PTPRN2: variants seen among roughly 807,000 people sequenced by gnomAD.
PTPRN2 encodes the protein receptor-type tyrosine-protein phosphatase N2.
A neutral mutation model predicts 118.8 loss-of-function variants in PTPRN2; 74 were observed. That is an observed-to-expected ratio of 0.62 (90% CI 0.52 to 0.76). The LOEUF (loss-of-function observed/expected upper bound fraction) is 0.76, where lower values mean the gene tolerates loss of function less well. PTPRN2 is among the 30% of genes least tolerant of loss of function. The pLI is 0.00. For synonymous variants in PTPRN2, 641 were observed against 608.0 expected (o/e 1.05, Z -0.80); for missense variants, 1,481 against 1,394.4 (o/e 1.06, Z -0.99).
At chr7:157,902,152 T>C (rs1797497754) in intron 11 of PTPRN2, among the ~76,000 whole-genome samples, 1 of 152,142 alleles carries the variant, frequency 6.6e-6, no homozygotes, top group Non-Finnish European at 1.5e-5. Flanking sequence ...AGGGAATGAG[T>C]CCTTGTTTGT....
intron 11 of PTPRN2, among the ~76,000 whole-genome samples, chr7:157,969,317 C>T (rs960447222): frequency 6.6e-6 from 1 of 152,090 alleles, no homozygotes; most frequent in African/African-American, 2.4e-5. Context: ...ACCATGTTGC[C>T]CAGGCTGGTC....
intron 2 of PTPRN2, among the ~76,000 whole-genome samples, chr7:158,467,698 G>A (rs1486129719): frequency 6.6e-6 from 1 of 152,114 alleles, no homozygotes; most frequent in Non-Finnish European, 1.5e-5. Flanking sequence ...TTAAAGAGAC[G>A]GCTCTTACCC....
chr7:158,545,803 G>A (rs996926687), intron 1 of PTPRN2, among the ~76,000 whole-genome samples: 3 of 152,082 alleles, frequency 2.0e-5, no homozygotes, highest in Non-Finnish European at 2.9e-5. Context: ...GTTCAAGACC[G>A]GTCTGGCCAA....
intron 21 of PTPRN2, among the ~76,000 whole-genome samples, chr7:157,557,079 C>A (rs750303582): frequency 6.6e-6 from 1 of 151,830 alleles, no homozygotes; most frequent in African/African-American, 2.4e-5. Flanking sequence ...CATACATACA[C>A]ACACACACAC....
intron 11 of PTPRN2, among the ~76,000 whole-genome samples, chr7:157,992,967 T>A (rs575903775): frequency 1.3e-5 from 2 of 152,312 alleles, no homozygotes; most frequent in Admixed American, 1.3e-4. Context: ...GGAGCTGTGG[T>A]TTGGGCGCCT....
intron 12 of PTPRN2, among the ~76,000 whole-genome samples, chr7:157,895,704 G>A (rs1306331164): frequency 5.3e-5 from 8 of 151,438 alleles, no homozygotes; most frequent in Admixed American, 2.6e-4. Flanking sequence ...GTGAAGGCGC[G>A]ACAGAGGGTG....
chr7:158,347,728 A>G (rs531191580), intron 2 of PTPRN2, among the ~76,000 whole-genome samples: 1 of 152,338 alleles, frequency 6.6e-6, no homozygotes, highest in East Asian at 1.9e-4. Flanking sequence ...AATTCTTTCA[A>G]TCAATGAACA....
intron 1 of PTPRN2, among the ~76,000 whole-genome samples, chr7:158,518,519 G>A (rs958017348): frequency 6.6e-6 from 1 of 152,164 alleles, no homozygotes; most frequent in Non-Finnish European, 1.5e-5. Flanking sequence ...AAAGGATACG[G>A]CTCAAGCTCC....
intron 3 of PTPRN2, among the ~76,000 whole-genome samples, chr7:158,209,512 A>G (rs1248269738): frequency 6.6e-6 from 1 of 152,244 alleles, no homozygotes; most frequent in Non-Finnish European, 1.5e-5. Flanking sequence ...TTGTAAATAT[A>G]TATGTACCCA....
At chr7:157,751,671 G>T (rs1217812359) in intron 12 of PTPRN2, among the ~76,000 whole-genome samples, 1 of 151,998 alleles carries the variant, frequency 6.6e-6, no homozygotes, top group Non-Finnish European at 1.5e-5. Flanking sequence ...ACTCTGCACC[G>T]CTGACACGCG....
intron 12 of PTPRN2, among the ~76,000 whole-genome samples, chr7:157,758,544 C>T (rs768027691): frequency 2.0e-5 from 3 of 152,228 alleles, no homozygotes; most frequent in Non-Finnish European, 1.5e-5. Context: ...TAAAGGGAGC[C>T]GAGGCAGGTG....
intron 1 of PTPRN2, among the ~76,000 whole-genome samples, chr7:158,523,183 G>A (rs554569767): frequency 3.3e-5 from 5 of 152,320 alleles, no homozygotes; most frequent in South Asian, 2.1e-4. Flanking sequence ...GGGGCCAGAC[G>A]GGTTGCAGCC....
At chr7:158,146,551 C>A (rs1207350176) in intron 6 of PTPRN2, among the ~76,000 whole-genome samples, 1 of 151,826 alleles carries the variant, frequency 6.6e-6, no homozygotes. Context: ...GAAACCCCAT[C>A]TCTACTAAAA....
intron 2 of PTPRN2, among the ~76,000 whole-genome samples, chr7:158,368,028 T>A (rs1586480866): frequency 6.6e-6 from 1 of 152,184 alleles, no homozygotes; most frequent in South Asian, 2.1e-4. Flanking sequence ...TAAATTGAGC[T>A]GAGGAAAGAA....
intron 3 of PTPRN2, among the ~76,000 whole-genome samples, chr7:158,284,874 G>A (rs1428695829): frequency 6.6e-6 from 1 of 152,246 alleles, no homozygotes; most frequent in South Asian, 2.1e-4. Context: ...TAAAGCAGCA[G>A]TGCCTCAATA....
At chr7:157,683,587 G>C (rs986100715) in intron 12 of PTPRN2, among the ~76,000 whole-genome samples, 1 of 152,050 alleles carries the variant, frequency 6.6e-6, no homozygotes, top group African/African-American at 2.4e-5. Flanking sequence ...ATGCACCTAC[G>C]TATTTTTCCT....
At chr7:158,187,167 G>C (rs746101241) in intron 5 of PTPRN2, among the ~76,000 whole-genome samples, 2 of 152,178 alleles carry the variant, frequency 1.3e-5, no homozygotes, top group African/African-American at 2.4e-5. Flanking sequence ...AAAGCTCTGA[G>C]TCATCTCGCT....
intron 2 of PTPRN2, among the ~76,000 whole-genome samples, chr7:158,472,252 T>C (rs1819914839): frequency 6.6e-6 from 1 of 152,158 alleles, no homozygotes; most frequent in African/African-American, 2.4e-5. Flanking sequence ...CCGTGGGCCT[T>C]TGAGAAGCCG....
At chr7:158,234,828 T>C (rs953797441) in intron 3 of PTPRN2, among the ~76,000 whole-genome samples, 1 of 152,154 alleles carries the variant, frequency 6.6e-6, no homozygotes, top group African/African-American at 2.4e-5. Flanking sequence ...AATGGCACAA[T>C]CTCCGCTCAC....
Sources: allele counts gnomAD v4.1 joint callset (sites outside exome capture counted in the v4.1 genomes callset), GRCh38; gene constraint gnomAD v4.1.1; transcripts MANE v1.5; gene names NCBI Gene and HGNC (gene_info 2026-07-23, HGNC 2026-07-21).